The following NOL10 variants were observed in gnomAD, a reference collection of about 807,000 sequenced individuals.
The protein encoded by NOL10 is H_NH0074G24.1.
Under a neutral mutation model 103.5 loss-of-function variants are expected in NOL10, and 58 were observed. That is an observed-to-expected ratio of 0.56 (90% CI 0.45 to 0.70). NOL10 has a LOEUF of 0.70. NOL10 is among the 30% of genes least tolerant of loss of function. NOL10 has a pLI of 0.00. For missense variants in NOL10, 763 were observed against 807.3 expected (o/e 0.95, Z 0.67); for synonymous variants, 287 against 282.5 (o/e 1.02, Z -0.16).
At chr2:10,649,477 C>T (rs970862161) in intron 12 of NOL10, among the ~76,000 whole-genome samples, 2 of 151,862 alleles carry the variant, frequency 1.3e-5, no homozygotes, top group South Asian at 2.1e-4. Flanking sequence ...CCTGCCACCA[C>T]GCTCAGCTAA....
intron 3 of NOL10, among the ~76,000 whole-genome samples, chr2:10,678,954 C>T (rs372659989): frequency 2.0e-5 from 3 of 152,082 alleles, no homozygotes; most frequent in African/African-American, 4.8e-5. Flanking sequence ...AGCTGGGTGC[C>T]GTGGCTCATG....
rs1208576308 is a variant in NOL10, at chr2:10,587,208, T to TATATACAC, written c.1844+1834_1844+1835insGTGTATAT. 1.6e-4 allele frequency among the ~76,000 whole-genome samples: 6 copies of TATATACAC among 37,592 alleles called. 2 individuals are homozygous for TATATACAC. The highest frequency in any genetic ancestry group is 4.9e-4 in the South Asian group (1 of 2,054). The allele number at this position is 37,592 out of a possible 152,430, so 24.7% of individuals were successfully genotyped here. A position where few individuals can be genotyped will look rare whatever the true frequency, so the allele number is the denominator to read the frequency against. ...ATATATATACACATATATATACACA[T>TATATACAC]ATATATATACATATATATACATATA... is the stretch of plus-strand genomic sequence containing the variant. On this transcript the variant is annotated intron_variant, in intron 19 of 20. Coordinates refer to ENST00000381685, the MANE Select transcript of NOL10 (RefSeq NM_024894.4).
intron 13 of NOL10, among the ~76,000 whole-genome samples, chr2:10,635,933 T>C (rs1226422414): frequency 6.6e-6 from 1 of 152,248 alleles, no homozygotes; most frequent in African/African-American, 2.4e-5. Flanking sequence ...TCACCCAGGC[T>C]GGAGTGCGGT....
At chr2:10,588,154 C>A (rs1206427785) in intron 19 of NOL10, among the ~76,000 whole-genome samples, 1 of 152,200 alleles carries the variant, frequency 6.6e-6, no homozygotes, top group Non-Finnish European at 1.5e-5. Flanking sequence ...CTGACTCAGA[C>A]TCCTGACAAC....
At chr2:10,621,679 T>A (rs1208739905) in intron 13 of NOL10, among the ~76,000 whole-genome samples, 1 of 152,228 alleles carries the variant, frequency 6.6e-6, no homozygotes, top group African/African-American at 2.4e-5. Context: ...AGATACCCTT[T>A]ACTTGCTAGA....
At chr2:10,577,205 C>A (rs1674498564) in intron 20 of NOL10, among the ~76,000 whole-genome samples, 1 of 152,152 alleles carries the variant, frequency 6.6e-6, no homozygotes, top group African/African-American at 2.4e-5. Flanking sequence ...TATCAGAACT[C>A]GCCAATTCCC....
intron 13 of NOL10, chr2:10,634,600 T>C (rs1023096322): frequency 1.1e-5 from 5 of 456,560 alleles, no homozygotes; most frequent in Non-Finnish European, 1.8e-5. Context: ...ACAGCTGTTA[T>C]ATAAAGCCTA....
chr2:10,617,418 G>A (rs1292469074), intron 13 of NOL10, among the ~76,000 whole-genome samples: 1 of 152,230 alleles, frequency 6.6e-6, no homozygotes, highest in Non-Finnish European at 1.5e-5. Flanking sequence ...GCAACGAGCA[G>A]AGACTTCAGT....
intron 15 of NOL10, 94 bp downstream of exon 15, chr2:10,602,984 C>T (rs1398015079): frequency 1.6e-6 from 2 of 1,234,630 alleles, no homozygotes; most frequent in Non-Finnish European, 2.3e-6. Flanking sequence ...CCTACAAATC[C>T]TATGTATGAT....
intron 12 of NOL10, among the ~76,000 whole-genome samples, chr2:10,649,467 C>A (rs555393205): frequency 6.6e-6 from 1 of 151,774 alleles, no homozygotes; most frequent in African/African-American, 2.4e-5. Context: ...ATTACAGGCA[C>A]CTGCCACCAC....
chr2:10,659,502 C>T lies in NOL10; in HGVS notation c.678-252G>A, dbSNP rs1680054385. Among the ~76,000 whole-genome samples, 3 of 149,642 alleles carry T rather than the reference C, an allele frequency of 2.0e-5. No individual in the cohort carries two copies. The South Asian group carries it at 6.7e-4, about 33-fold the overall frequency. On this transcript the variant is annotated intron_variant, in intron 9 of 20. Transcript: ENST00000381685. Reference sequence around the variant, plus strand: ...GACCAGCTTGGGTAACACAGTGAGACACCATCTCTACAAAAAATTAAAAAA... The same window carrying T: ...GACCAGCTTGGGTAACACAGTGAGATACCATCTCTACAAAAAATTAAAAAA...
Position 10,613,001 on chromosome 2 carries a change from T to TAA in NOL10, c.1027-5692_1027-5691dup, listed in dbSNP as rs71392245. Among the ~76,000 whole-genome samples the TAA allele has an allele frequency of 1.1e-3, 154 of 137,990 alleles. 1 individual carries two copies. Among genetic ancestry groups the TAA allele is most frequent in the East Asian group, 3.3e-3 (16 of 4,882 alleles). The allele number at this position is 137,990 out of a possible 152,430, so 90.5% of individuals were successfully genotyped here. On this transcript the variant is annotated intron_variant, in intron 13 of 20. Transcript: ENST00000381685. ...CCTGGGCAACAGAATAAGACCCTGT[T>TAA]AAAAAAAAAAAAGAGAGAAAGAAGA...
At chr2:10,586,020 G>C (rs2148154361) in intron 19 of NOL10, among the ~76,000 whole-genome samples, 1 of 152,230 alleles carries the variant, frequency 6.6e-6, no homozygotes, top group Non-Finnish European at 1.5e-5. Flanking sequence ...AGCCACAAAG[G>C]GCCACACATT....
intron 17 of NOL10, among the ~76,000 whole-genome samples, chr2:10,595,164 G>A (rs899726014): frequency 6.6e-6 from 1 of 151,158 alleles, no homozygotes; most frequent in Admixed American, 6.6e-5. Context: ...GAGAGAGAGA[G>A]AGAGAGAGAG....
chr2:10,576,481 ATAGCAAAATG>A (rs1674456026), intron 20 of NOL10, among the ~76,000 whole-genome samples: 1 of 152,268 alleles, frequency 6.6e-6, no homozygotes, highest in African/African-American at 2.4e-5. Context: ...AAACGAATGA[ATAGCAAAATG>A]TGTTATATAC....
chr2:10,684,969 G>C (rs1346803878), intron 1 of NOL10, among the ~76,000 whole-genome samples: 1 of 152,282 alleles, frequency 6.6e-6, no homozygotes, highest in East Asian at 1.9e-4. Flanking sequence ...CAAAATGCTA[G>C]GTCTACTGAC....
At chr2:10,648,137 G>A (rs766532640) in intron 12 of NOL10, among the ~76,000 whole-genome samples, 1 of 152,144 alleles carries the variant, frequency 6.6e-6, no homozygotes, top group Non-Finnish European at 1.5e-5. Context: ...ATAGGAGCAG[G>A]GCCCTGAACA....
At chr2:10,679,528 T>C (rs895216737) in intron 3 of NOL10, among the ~76,000 whole-genome samples, 4 of 152,068 alleles carry the variant, frequency 2.6e-5, no homozygotes, top group African/African-American at 9.7e-5. Flanking sequence ...AGTTCCTCAG[T>C]CTCACTACCA....
intron 19 of NOL10, among the ~76,000 whole-genome samples, chr2:10,584,749 G>A (rs1370876487): frequency 6.6e-6 from 1 of 151,950 alleles, no homozygotes; most frequent in Non-Finnish European, 1.5e-5. Context: ...TGTTTAACTT[G>A]GTGATATTTA....
Sources: gnomAD v4.1 joint callset for allele counts (sites outside exome capture counted in the v4.1 genomes callset) on GRCh38, gnomAD v4.1.1 for gene constraint, MANE v1.5 for transcripts, NCBI Gene and HGNC (gene_info 2026-07-23, HGNC 2026-07-21) for gene names.